Variants in ROBO1 observed in about 807,000 individuals in gnomAD.
The protein encoded by ROBO1 is roundabout guidance receptor 1, also known as roundabout homolog 1.
A neutral mutation model predicts 195.9 loss-of-function variants in ROBO1; 149 were observed. The observed-to-expected ratio is 0.76, with a 90% CI of 0.67 to 0.87. The LOEUF is 0.87. Ranked by LOEUF, ROBO1 falls within the 40% of genes least tolerant of loss-of-function variation. The probability of loss-of-function intolerance (pLI) is 0.00; values close to 1 mark genes in which losing one functional copy is unlikely to be tolerated. For synonymous variants in ROBO1, 816 were observed against 733.2 expected (o/e 1.11, Z -1.82); for missense variants, 1,933 against 2,068.3 (o/e 0.93, Z 1.27).
intron 2 of ROBO1, among the ~76,000 whole-genome samples, chr3:79,543,433 G>C (rs976085112): frequency 6.6e-6 from 1 of 151,978 alleles, no homozygotes; most frequent in Admixed American, 6.6e-5. Flanking sequence ...CCAGCCCTTG[G>C]TTGCCTGGGA....
chr3:79,521,680 A>G (rs1053914659), intron 2 of ROBO1, among the ~76,000 whole-genome samples: 1 of 152,210 alleles, frequency 6.6e-6, no homozygotes, highest in Admixed American at 6.5e-5. Context: ...TTTAGCTTCA[A>G]ATAAACACTT....
chr3:79,562,753 T>C (rs1209275679), intron 2 of ROBO1, among the ~76,000 whole-genome samples: 1 of 152,032 alleles, frequency 6.6e-6, no homozygotes, highest in Non-Finnish European at 1.5e-5. Context: ...TTTCTTATTG[T>C]TTTTCTCAAT....
chr3:79,019,282 C>A (rs1200878024), intron 3 of ROBO1: 2 of 985,780 alleles, frequency 2.0e-6, no homozygotes, highest in Non-Finnish European at 2.4e-6. Context: ...GCTGCCTGCA[C>A]CCCTGGCTCG....
Position 78,945,098 on chromosome 3 carries a change from C to T in ROBO1, c.173-6171G>A, listed in dbSNP as rs542176895. Among the ~76,000 whole-genome samples, 8 of 152,310 alleles carry T rather than the reference C, an allele frequency of 5.3e-5. No homozygotes were observed. In the South Asian group the frequency reaches 1.7e-3, roughly 32 times the overall value. On this transcript the variant is annotated intron_variant, in intron 3 of 30. Transcript: ENST00000464233. ...GTAGGCTCCACCTCTGGGGTCAGGG[C>T]ATGGACAAACAAAAAGATAGCAGTA...
intron 2 of ROBO1, among the ~76,000 whole-genome samples, chr3:79,249,039 C>G (rs868102184): frequency 2.8e-4 from 42 of 152,300 alleles, no homozygotes; most frequent in African/African-American, 9.6e-4. Flanking sequence ...TATTAGAAAT[C>G]TACCTGTTAT....
intron 4 of ROBO1, among the ~76,000 whole-genome samples, chr3:78,755,182 C>T (rs183326460): frequency 6.6e-6 from 1 of 152,044 alleles, no homozygotes; most frequent in Non-Finnish European, 1.5e-5. Context: ...TAATAATGGA[C>T]GTGGAGGCCA....
chr3:78,897,650 A>T (rs1369251764), intron 4 of ROBO1, among the ~76,000 whole-genome samples: 2 of 151,978 alleles, frequency 1.3e-5, no homozygotes, highest in African/African-American at 4.8e-5. Flanking sequence ...ATAGTGCACT[A>T]TAAATTTATT....
intron 3 of ROBO1, among the ~76,000 whole-genome samples, chr3:78,949,679 A>G (rs2040663284): frequency 6.6e-6 from 1 of 152,140 alleles, no homozygotes; most frequent in Non-Finnish European, 1.5e-5. Flanking sequence ...ATTAAACTAA[A>G]GAGCTTCTGC....
intron 3 of ROBO1, among the ~76,000 whole-genome samples, chr3:79,090,235 G>A (rs1350890437): frequency 6.6e-6 from 1 of 152,000 alleles, no homozygotes; most frequent in African/African-American, 2.4e-5. Flanking sequence ...ACCGCTCCTG[G>A]CCCATTTATT....
chr3:78,664,738 T>C (rs1707634264), intron 14 of ROBO1, among the ~76,000 whole-genome samples: 1 of 152,218 alleles, frequency 6.6e-6, no homozygotes, highest in South Asian at 2.1e-4. Flanking sequence ...AAATTATGCC[T>C]GCTCCCTTAT....
chr3:79,303,658 T>C (rs2109069409), intron 2 of ROBO1, among the ~76,000 whole-genome samples: 1 of 152,194 alleles, frequency 6.6e-6, no homozygotes, highest in South Asian at 2.1e-4. Flanking sequence ...CATAACAGAA[T>C]ACTACTCAGC....
At chr3:79,692,621 G>A (rs1387602420) in intron 1 of ROBO1, among the ~76,000 whole-genome samples, 8 of 151,742 alleles carry the variant, frequency 5.3e-5, no homozygotes, top group African/African-American at 1.7e-4. Context: ...AAAAGTCCAC[G>A]GCATAGAAGC....
chr3:78,793,389 TA>T (rs2084084177), intron 4 of ROBO1, among the ~76,000 whole-genome samples: 1 of 152,216 alleles, frequency 6.6e-6, no homozygotes, highest in Admixed American at 6.5e-5. Context: ...TCCTTCATTT[TA>T]AAATTATTCT....
rs1212082283 is a variant in ROBO1, at chr3:79,337,740, A to AT, written c.89-212202dup. 5.9e-5 allele frequency among the ~76,000 whole-genome samples: 9 copies of AT among 152,304 alleles called. No individual in the cohort carries two copies. The East Asian group carries it at 1.7e-3, about 29-fold the overall frequency. On this transcript the variant is annotated intron_variant, in intron 2 of 30. Coordinates refer to ENST00000464233, the MANE Select transcript of ROBO1 (RefSeq NM_002941.4). ...AAACAAATTAAATATAAGCCAATCA[A>AT]TTTTCTTACAAAGCCTCATGCTATG... is the stretch of plus-strand genomic sequence containing the variant.
At chr3:78,838,975 C>T (rs2032969711) in intron 4 of ROBO1, among the ~76,000 whole-genome samples, 1 of 152,150 alleles carries the variant, frequency 6.6e-6, no homozygotes, top group African/African-American at 2.4e-5. Flanking sequence ...GTCATGTTTT[C>T]AACTATTTTT....
At chr3:79,142,066 G>T (rs1055852482) in intron 2 of ROBO1, among the ~76,000 whole-genome samples, 1 of 151,910 alleles carries the variant, frequency 6.6e-6, no homozygotes, top group African/African-American at 2.4e-5. Context: ...TTCCAAAAGA[G>T]ACATTCTTAT....
intron 1 of ROBO1, among the ~76,000 whole-genome samples, chr3:79,669,371 ATCTTCCCAGTCTTGTATGGGTATG>A (rs1946566997): frequency 6.6e-6 from 1 of 151,882 alleles, no homozygotes; most frequent in Non-Finnish European, 1.5e-5. Flanking sequence ...ATACGGGTAT[ATCTTCCCAGTCTTGTATGGGTATG>A]TCTTCATCAG....
chr3:78,749,346 T>C (rs2082733063), intron 4 of ROBO1, among the ~76,000 whole-genome samples: 1 of 152,094 alleles, frequency 6.6e-6, no homozygotes, highest in African/African-American at 2.4e-5. Context: ...ATATCAAAGG[T>C]CTAAGTCAGA....
chr3:78,862,601 T>G (rs934556908), intron 4 of ROBO1, among the ~76,000 whole-genome samples: 1 of 152,226 alleles, frequency 6.6e-6, no homozygotes, highest in African/African-American at 2.4e-5. Flanking sequence ...GCAGAAGTAC[T>G]GTCAAGGATG....
Sources: allele counts gnomAD v4.1 joint callset (sites outside exome capture counted in the v4.1 genomes callset), GRCh38; gene constraint gnomAD v4.1.1; transcripts MANE v1.5; gene names NCBI Gene and HGNC (gene_info 2026-07-23, HGNC 2026-07-21).